Variants in TMEM145 observed in about 807,000 individuals in gnomAD.
The protein encoded by TMEM145 is transmembrane protein 145.
TMEM145 carries 46 observed loss-of-function variants against 68.5 expected under a neutral mutation model. The observed-to-expected ratio is 0.67, with a 90% CI of 0.53 to 0.86. TMEM145 has a LOEUF of 0.86. Ranked by LOEUF, TMEM145 falls within the 40% of genes least tolerant of loss-of-function variation. The pLI is 0.00. For synonymous variants in TMEM145, 255 were observed against 280.2 expected (o/e 0.91, Z 0.90); for missense variants, 570 against 645.8 (o/e 0.88, Z 1.27).
rs2147411666 is a variant in TMEM145 at position 42,314,329 on chromosome 19, C to A, written c.178C>A (p.Arg60Ser). ...CTCGGATTACGGCCGACTGGACTTC[C>A]GTTTCCGCTACCCTGAGGTGAGTCT... ...FLSDYGRLDF[R>S]FRYPEAKCCQ... Residue 60 changes from arginine (R) to serine (S), a missense_variant, in exon 2 of 15, where the codon CGT becomes AGT. Physicochemically the swap from Arg to Ser is moderately radical, Grantham distance 110 (BLOSUM62 -1). Coordinates refer to ENST00000301204, the MANE Select transcript of TMEM145 (RefSeq NM_173633.3). 6.2e-7 allele frequency: 1 copy of A among 1,614,070 alleles called. No individual in the cohort carries two copies. Among genetic ancestry groups the A allele is most frequent in the Non-Finnish European group, 8.5e-7 (1 of 1,180,010 alleles).
chr19:42,314,984 C>A lies in TMEM145; in HGVS notation c.421-9C>A. 1 of 1,614,118 alleles carries A rather than the reference C, an allele frequency of 6.2e-7. No individual in the cohort carries two copies. Among genetic ancestry groups the A allele is most frequent in the Non-Finnish European group, 8.5e-7 (1 of 1,179,988 alleles). ...CAGGGCCCCCCTTAGGCCTCCCTAC[C>A]CCCCACAGGGTGATGGATTGCAGCT... On this transcript the variant is annotated splice_polypyrimidine_tract_variant and intron_variant, in intron 5 of 14. Coordinates refer to ENST00000301204, the MANE Select transcript of TMEM145 (RefSeq NM_173633.3).
intron 5 of TMEM145, 35 bp from the exon 6 acceptor site, chr19:42,314,958 C>T (rs1318602316): frequency 6.2e-7 from 1 of 1,613,662 alleles, no homozygotes; most frequent in Non-Finnish European, 8.5e-7. Flanking sequence ...CCCAACTTGC[C>T]CAGGGCCCCC....
Position 42,316,974 on chromosome 19 carries a change from C to T in TMEM145, c.900+11C>T. 6.2e-7 allele frequency: 1 copy of T among 1,610,512 alleles called. No individual in the cohort carries two copies. Among genetic ancestry groups the T allele is most frequent in the Non-Finnish European group, 8.5e-7 (1 of 1,178,742 alleles). ...ATCTACGAGGCGGAAGTGAGTCCGA[C>T]TGGCCCCTGGCCGGGCCCTGCCTTC... On this transcript the variant is annotated intron_variant, in intron 11 of 14. Transcript: ENST00000301204.
chr19:42,324,580 C>T (rs2038951246), intron 14 of TMEM145, 157 bp from the exon 15 acceptor site: 5 of 985,252 alleles, frequency 5.1e-6, no homozygotes, highest in Non-Finnish European at 6.0e-6. Flanking sequence ...GGCCGGGCTC[C>T]GGACCCCTGC....
Position 42,314,855 on chromosome 19 carries a change from C to T in TMEM145, c.420+4C>T, listed in dbSNP as rs758589544. 3.1e-6 allele frequency: 5 copies of T among 1,614,076 alleles called. No homozygotes were observed. The highest frequency in any genetic ancestry group is 1.7e-5 in the Admixed American group (1 of 60,008). On this transcript the variant is annotated splice_donor_region_variant and intron_variant, in intron 5 of 14. Transcript: ENST00000301204. ...CAGTGGCCGCAGCTTCCGCTCAGTGCGTGAACGGTGGTGGTATATTGCGCT... is the reference window on the plus strand; with the variant it reads ...CAGTGGCCGCAGCTTCCGCTCAGTGTGTGAACGGTGGTGGTATATTGCGCT...
At chr19:42,323,212 A>C (rs1439166650) in intron 13 of TMEM145, among the ~76,000 whole-genome samples, 1 of 152,226 alleles carries the variant, frequency 6.6e-6, no homozygotes, top group African/African-American at 2.4e-5. Flanking sequence ...GCTGTTGAGC[A>C]CTTGAATGTG....
chr19:42,316,567 A>C lies in TMEM145; in HGVS notation c.727+6A>C. 6.2e-7 allele frequency: 1 copy of C among 1,613,630 alleles called. No homozygotes were observed. Among genetic ancestry groups the C allele is most frequent in the Non-Finnish European group, 8.5e-7 (1 of 1,179,814 alleles). Reference sequence around the variant, plus strand: ...CGAGAGTGTGAAGATCTTGGGTGAGAATGAAGCTGGGTGGGGAGAGGGTGG... The same window carrying C: ...CGAGAGTGTGAAGATCTTGGGTGAGCATGAAGCTGGGTGGGGAGAGGGTGG... On this transcript the variant is annotated splice_donor_region_variant and intron_variant, in intron 9 of 14. Coordinates refer to ENST00000301204, the MANE Select transcript of TMEM145 (RefSeq NM_173633.3).
rs1275210033 is a variant in TMEM145 at position 42,316,732 on chromosome 19, G to T, written c.798G>T (p.Thr266=). The change falls in exon 10 of 15, where the codon ACG becomes ACT. Residue 266 remains threonine, a synonymous_variant. Transcript: ENST00000301204. ...LMLILLGKGF[T]VTRGRISHAG... ...TTATCCTCCTGGGGAAGGGATTCACGGTGACACGGTGCCCGGGCAGGGCGT... is the reference window on the plus strand; with the variant it reads ...TTATCCTCCTGGGGAAGGGATTCACTGTGACACGGTGCCCGGGCAGGGCGT... 1.2e-6 allele frequency: 2 copies of T among 1,613,402 alleles called. No homozygotes were observed. Among genetic ancestry groups the T allele is most frequent in the Non-Finnish European group, 8.5e-7 (1 of 1,179,966 alleles).
Position 42,320,452 on chromosome 19 carries a change from C to T in TMEM145, c.1194+15C>T. On this transcript the variant is annotated intron_variant, in intron 13 of 14. Transcript: ENST00000301204. ...GCGTGTTTCTGGTGAGGATGGGCAT[C>T]TGTGGGGGGTGGAGGGGAGGACCCG... is the stretch of plus-strand genomic sequence containing the variant. 6.2e-7 allele frequency: 1 copy of T among 1,613,560 alleles called. No individual in the cohort carries two copies. Among genetic ancestry groups the T allele is most frequent in the East Asian group, 2.2e-5 (1 of 44,880 alleles).
rs1599991232 is a variant in TMEM145 at position 42,323,654 on chromosome 19, C to G, written c.1266C>G (p.Ala422=). The part of the protein sequence containing the change: ...YHVRTSQIAS[A]GVPGPGGSQS... ...TGCGCACGTCGCAGATCGCTTCAGC[C>G]GGAGTCCCTGGACCCGGAGGGAGCC... The change falls in exon 14 of 15, where the codon GCC becomes GCG. Residue 422 remains alanine (A), a synonymous_variant. Transcript: ENST00000301204. The G allele has an allele frequency of 1.9e-6, 3 of 1,614,206 alleles. No individual in the cohort carries two copies. The highest frequency in any genetic ancestry group is 2.5e-6 in the Non-Finnish European group (3 of 1,180,032).
At position 42,322,708 on chromosome 19, in the gene TMEM145, A is replaced by AT. The variant is rs547326600; in HGVS notation, c.1195-863dup. On this transcript the variant is annotated intron_variant, in intron 13 of 14. Coordinates refer to ENST00000301204, the MANE Select transcript of TMEM145 (RefSeq NM_173633.3). ...TTATTTATTTATTTATTTATTTTAA[A>AT]TTTTTTTTTTTTGAGATGGAATCTT... Among the ~76,000 whole-genome samples, 995 of 146,218 alleles carry AT rather than the reference A, an allele frequency of 6.8e-3. 12 individuals carry two copies. Among genetic ancestry groups the AT allele is most frequent in the South Asian group, 0.042 (199 of 4,684 alleles).
At chr19:42,320,512 C>G (rs1217515385) in intron 13 of TMEM145, 75 bp downstream of exon 13, 4 of 1,592,812 alleles carry the variant, frequency 2.5e-6, no homozygotes, top group Non-Finnish European at 3.4e-6. Flanking sequence ...TACACCTGAT[C>G]TGCTGGACCT....
rs745307769 is a variant in TMEM145 at position 42,323,770 on chromosome 19, T to TC, written c.1388dup (p.Pro464AlafsTer20). 52 of 1,613,486 alleles carry TC rather than the reference T, an allele frequency of 3.2e-5. No homozygotes were observed. Among genetic ancestry groups the TC allele is most frequent in the Non-Finnish European group, 4.1e-5 (48 of 1,179,850 alleles). On this transcript the variant is annotated frameshift_variant, in exon 14 of 15. Coordinates refer to ENST00000301204, the MANE Select transcript of TMEM145 (RefSeq NM_173633.3). LOFTEE classifies it high-confidence loss of function. ...CCCAACTTCACGGAGCTCTTCTCCA[T>TC]CCCCCCGCCCGCCACCTCCGTAAGC...
chr19:42,315,994 C>T (rs1316546471), intron 8 of TMEM145, among the ~76,000 whole-genome samples: 1 of 152,096 alleles, frequency 6.6e-6, no homozygotes, highest in Non-Finnish European at 1.5e-5. Context: ...CACGCCACTG[C>T]ATTCCAACCT....
rs1322768561 is a variant in TMEM145, at chr19:42,314,523, G to A, written c.268G>A (p.Asp90Asn). 6.2e-7 allele frequency: 1 copy of A among 1,614,096 alleles called. No individual in the cohort carries two copies. Among genetic ancestry groups the A allele is most frequent in the Non-Finnish European group, 8.5e-7 (1 of 1,180,036 alleles). The change falls in exon 3 of 15, where the codon GAC becomes AAC. Residue 90 changes from aspartate (D) to asparagine (N), a missense_variant. Physicochemically the swap from Asp to Asn is conservative, Grantham distance 23. Transcript: ENST00000301204. Reference sequence around the variant, plus strand: ...GTGGCCAGCCGTGTACAAGGCAGGGGACAAGGTGAGGGCTGTGAAGAGGGC... The same window carrying A: ...GTGGCCAGCCGTGTACAAGGCAGGGAACAAGGTGAGGGCTGTGAAGAGGGC... ...SQWPAVYKAG[D>N]KDCLAKESVI...
chr19:42,320,497 G>T, intron 13 of TMEM145, 60 bp downstream of exon 13: 1 of 1,607,400 alleles, frequency 6.2e-7, no homozygotes, highest in Non-Finnish European at 8.5e-7. Context: ...GATGTGTGAG[G>T]CTCCTACACC....
At chr19:42,319,208 A>G (rs2038888697) in intron 12 of TMEM145, among the ~76,000 whole-genome samples, 1 of 152,246 alleles carries the variant, frequency 6.6e-6, no homozygotes, top group South Asian at 2.1e-4. Context: ...GTCCGGGTTC[A>G]GATCTCAGCT....
intron 5 of TMEM145, 66 bp downstream of exon 5, chr19:42,314,917 G>A (rs1264749293): frequency 6.2e-7 from 1 of 1,613,838 alleles, no homozygotes; most frequent in South Asian, 1.1e-5. Context: ...GTGGCCACCT[G>A]GACCACCTTC....
rs1321559421 is a variant in TMEM145, at chr19:42,324,652, C to G, written c.1402-85C>G. ...TCCCGACCCTTCCCACCCCGCGCGC[C>G]CAGGTTGGGTACGCTGCGTCCCGCC... On this transcript the variant is annotated intron_variant, in intron 14 of 14. Coordinates refer to ENST00000301204, the MANE Select transcript of TMEM145 (RefSeq NM_173633.3). 3.1e-6 allele frequency: 4 copies of G among 1,286,700 alleles called. No individual in the cohort carries two copies. In the African/African-American group the frequency reaches 6.3e-5, roughly 20 times the overall value. 79.7% of individuals were successfully genotyped at this position (1,286,700 alleles called of 1,614,324 possible). A position where few individuals can be genotyped will look rare whatever the true frequency, so the allele number is the denominator to read the frequency against.
Sources: allele counts gnomAD v4.1 joint callset (sites outside exome capture counted in the v4.1 genomes callset), GRCh38; gene constraint gnomAD v4.1.1; transcripts MANE v1.5; gene names NCBI Gene and HGNC (gene_info 2026-07-23, HGNC 2026-07-21).